SRL: variants seen among roughly 807,000 people sequenced by gnomAD.
SRL encodes the protein sarcalumenin.
In SRL, 23 loss-of-function variants were observed where a neutral mutation model predicts 39.5. The observed-to-expected ratio is 0.58, with a 90% CI of 0.42 to 0.82. SRL has a LOEUF of 0.82. Ranked by LOEUF, SRL falls within the 40% of genes least tolerant of loss-of-function variation. SRL has a pLI of 0.00. For missense variants in SRL, 592 were observed against 607.8 expected (o/e 0.97, Z 0.27); for synonymous variants, 272 against 237.4 (o/e 1.15, Z -1.34).
chr16:4,214,579 C>A (rs1373419318), intron 1 of SRL, among the ~76,000 whole-genome samples: 1 of 152,082 alleles, frequency 6.6e-6, no homozygotes, highest in Non-Finnish European at 1.5e-5. Context: ...TTAAGTGCAG[C>A]AGGGAGCAAT....
chr16:4,218,761 A>C (rs1479512681), intron 1 of SRL, among the ~76,000 whole-genome samples: 1 of 152,230 alleles, frequency 6.6e-6, no homozygotes, highest in Non-Finnish European at 1.5e-5. Flanking sequence ...GTCCTCAGCC[A>C]TCTCTCCTAC....
rs1320713120 is a variant in SRL at position 4,220,648 on chromosome 16, T to C, written c.62-16014A>G. ...GATATCCCACCCCAGGGAGAAATCATCATTCAACCCAACAGCAGCTTTCTC... is the reference window on the plus strand; with the variant it reads ...GATATCCCACCCCAGGGAGAAATCACCATTCAACCCAACAGCAGCTTTCTC... On this transcript the variant is annotated intron_variant, in intron 1 of 5. Coordinates refer to ENST00000399609, the MANE Select transcript of SRL (RefSeq NM_001098814.2). Among the ~76,000 whole-genome samples the C allele has an allele frequency of 2.0e-5, 3 of 152,112 alleles. No homozygotes were observed. The East Asian group carries it at 5.8e-4, about 29-fold the overall frequency.
At chr16:4,233,902 C>A (rs1002453702) in intron 1 of SRL, among the ~76,000 whole-genome samples, 37 of 152,054 alleles carry the variant, frequency 2.4e-4, no homozygotes, top group African/African-American at 8.5e-4. Flanking sequence ...AAGGGGGACT[C>A]CCTTTAGGGA....
intron 1 of SRL, among the ~76,000 whole-genome samples, chr16:4,205,742 G>C (rs555425307): frequency 6.6e-6 from 1 of 152,100 alleles, no homozygotes; most frequent in African/African-American, 2.4e-5. Context: ...ACAGGGCTTT[G>C]GGTTTCATCC....
At chr16:4,204,271 T>C (rs958105577) in intron 2 of SRL, among the ~76,000 whole-genome samples, 4 of 152,270 alleles carry the variant, frequency 2.6e-5, no homozygotes, top group East Asian at 1.9e-4. Context: ...CACCAGGCCG[T>C]CTACTTGGAT....
Position 4,210,876 on chromosome 16 carries a change from T to G in SRL, c.62-6242A>C, listed in dbSNP as rs562832642. On this transcript the variant is annotated intron_variant, in intron 1 of 5. Coordinates refer to ENST00000399609, the MANE Select transcript of SRL (RefSeq NM_001098814.2). ...CAGCTAATAACTGGCTTGGGCCATG[T>G]GACTTCAGAGCCACAGTATCCCCCG... Among the ~76,000 whole-genome samples the G allele has an allele frequency of 1.7e-3, 253 of 152,318 alleles. 1 individual carries two copies. The highest frequency in any genetic ancestry group is 2.9e-3 in the Admixed American group (44 of 15,290).
intron 1 of SRL, among the ~76,000 whole-genome samples, chr16:4,221,534 TG>T (rs1454330642): frequency 2.6e-5 from 4 of 152,132 alleles, no homozygotes; most frequent in African/African-American, 9.7e-5. Context: ...GAGAGCCACA[TG>T]GGGCCACCTC....
intron 1 of SRL, among the ~76,000 whole-genome samples, chr16:4,234,026 G>A (rs912429648): frequency 3.3e-5 from 5 of 151,782 alleles, no homozygotes; most frequent in East Asian, 3.9e-4. Context: ...ATGGGGTCTC[G>A]CTCTGTTGCC....
rs1180617993 is a variant in SRL at position 4,242,026 on chromosome 16, G to C, written c.42C>G (p.Leu14=). The C allele has an allele frequency of 3.7e-6, 6 of 1,613,462 alleles. No homozygotes were observed. In the African/African-American group the frequency reaches 5.3e-5, roughly 14 times the overall value. ...CCCTACCTGCTTGTCCTGAGAACAG[G>C]AGCGAGGCCAGGAGGCAGCCGAGCA... is the stretch of plus-strand genomic sequence containing the variant. ...LVLLGCLLAS[L]LFSGQAEETE... is the part of the protein sequence containing the mutation. The change falls in exon 1 of 6, where the codon CTC becomes CTG. Residue 14 remains leucine (L), a synonymous_variant. Coordinates refer to ENST00000399609, the MANE Select transcript of SRL (RefSeq NM_001098814.2).
chr16:4,221,915 T>C (rs1329860478), intron 1 of SRL, among the ~76,000 whole-genome samples: 1 of 152,202 alleles, frequency 6.6e-6, no homozygotes, highest in Non-Finnish European at 1.5e-5. Flanking sequence ...GTGTCTTTTC[T>C]CTTCCCATAA....
intron 1 of SRL, among the ~76,000 whole-genome samples, chr16:4,218,195 C>G (rs550567072): frequency 1.2e-4 from 18 of 152,306 alleles, no homozygotes; most frequent in South Asian, 1.0e-3. Context: ...ACGTCCCATC[C>G]CTTCTGTCCA....
chr16:4,203,252 T>C lies in SRL; in HGVS notation c.173A>G (p.Gln58Arg). ...KPSDDYSAVLQRLRKIYHSSI... is the reference protein window; with the variant it reads ...KPSDDYSAVLRRLRKIYHSSI... ...TGAGTGGTAGATCTTCCGAAGCCGC[T>C]GCAGCACCGCTGGAGACAGAGAGGG... Residue 58 changes from glutamine (Q) to arginine (R), a missense_variant, in exon 3 of 6, where the codon CAG becomes CGG. By Grantham distance (43) the Gln-to-Arg change is conservative. Transcript: ENST00000399609. The C allele has an allele frequency of 6.2e-7, 1 of 1,614,120 alleles. No individual in the cohort carries two copies. Among genetic ancestry groups the C allele is most frequent in the Non-Finnish European group, 8.5e-7 (1 of 1,179,974 alleles).
chr16:4,224,130 G>T (rs1027543273), intron 1 of SRL, among the ~76,000 whole-genome samples: 5 of 152,268 alleles, frequency 3.3e-5, no homozygotes, highest in African/African-American at 1.2e-4. Context: ...CTGGAGGAGG[G>T]AGAGGAGAGG....
Position 4,192,642 on chromosome 16 carries a change from C to G in SRL, c.933G>C (p.Glu311Asp). The change falls in exon 6 of 6, where the codon GAG (glutamate) becomes GAC (aspartate). Residue 311 changes from glutamate (E) to aspartate (D), a missense_variant. Physicochemically the swap from Glu to Asp is conservative, Grantham distance 45. Transcript: ENST00000399609. The surrounding 1 kb of genome is among the most constrained non-coding windows in gnomAD (Gnocchi z 4.0). ...GATTCAGGTCTTCTAGGAGGGAGAT[C>G]TCTTCTTGGAGGAACAGTTCCTGAT... ...DTHQELFLQE[E>D]ISLLEDLNQV... 2 of 1,614,162 alleles carry G rather than the reference C, an allele frequency of 1.2e-6. No homozygotes were observed. Among genetic ancestry groups the G allele is most frequent in the Non-Finnish European group, 1.7e-6 (2 of 1,180,032 alleles).
chr16:4,217,543 G>T (rs2052474083), intron 1 of SRL, among the ~76,000 whole-genome samples: 1 of 152,130 alleles, frequency 6.6e-6, no homozygotes, highest in Non-Finnish European at 1.5e-5. Context: ...TGAGCCACTG[G>T]CCCCTCCCCT....
chr16:4,193,717 T>G (rs2052097602), intron 5 of SRL, among the ~76,000 whole-genome samples: 1 of 152,154 alleles, frequency 6.6e-6, no homozygotes, highest in Non-Finnish European at 1.5e-5. Context: ...GAATACATTT[T>G]AATTCCATTA....
intron 1 of SRL, among the ~76,000 whole-genome samples, chr16:4,208,301 A>C (rs1470793815): frequency 6.6e-6 from 1 of 152,108 alleles, no homozygotes; most frequent in African/African-American, 2.4e-5. Context: ...CTCCCTCCCA[A>C]GATGTAGAAG....
chr16:4,214,570 T>C (rs553702446), intron 1 of SRL, among the ~76,000 whole-genome samples: 60 of 152,182 alleles, frequency 3.9e-4, no homozygotes, highest in Admixed American at 1.2e-3. Flanking sequence ...GGCTGTATAT[T>C]AAGTGCAGCA....
chr16:4,213,539 C>T (rs114925059), intron 1 of SRL, among the ~76,000 whole-genome samples: 3,836 of 149,782 alleles, frequency 0.026, 143 homozygotes, highest in African/African-American at 0.085. Context: ...CTCCCCCAAA[C>T]AGCTGGAACT....
Sources: allele counts gnomAD v4.1 joint callset (sites outside exome capture counted in the v4.1 genomes callset), GRCh38; gene constraint gnomAD v4.1.1; non-coding constraint Gnocchi (gnomAD v3.1); transcripts MANE v1.5; gene names NCBI Gene and HGNC (gene_info 2026-07-23, HGNC 2026-07-21).